EVI5: variants seen among roughly 807,000 people sequenced by gnomAD.
EVI5 encodes ecotropic viral integration site 5 protein homolog.
EVI5 carries 73 observed loss-of-function variants against 112.0 expected under a neutral mutation model. That is an observed-to-expected ratio of 0.65 (90% CI 0.54 to 0.79). The LOEUF is 0.79. Ranked by LOEUF, EVI5 falls within the 30% of genes least tolerant of loss-of-function variation. EVI5 has a pLI of 0.00. For synonymous variants in EVI5, 305 were observed against 319.9 expected, an observed-to-expected ratio of 0.95 and a Z score of 0.50; for missense variants, 900 against 968.8, an observed-to-expected ratio of 0.93 and a Z score of 0.94.
At chr1:92,602,042 T>A (rs933209628) in intron 18 of EVI5, among the ~76,000 whole-genome samples, 1 of 152,142 alleles carries the variant, frequency 6.6e-6, no homozygotes, top group African/African-American at 2.4e-5. Context: ...TATGTGCACT[T>A]TATGGGGACT....
chr1:92,662,883 G>C lies in EVI5; in HGVS notation c.1246-18C>G. On this transcript the variant is annotated intron_variant, in intron 12 of 19. Coordinates refer to ENST00000684568, the MANE Select transcript of EVI5 (RefSeq NM_001350197.2). ...ACTTGTCCCTTAGGACATAATTTTT[G>C]TGTGTGTAAAGCAATTTAGGATAGA... 7.9e-7 allele frequency: 1 copy of C among 1,264,876 alleles called. No homozygotes were observed. The highest frequency in any genetic ancestry group is 5.8e-5 in the East Asian group (1 of 17,286). 78.4% of individuals were successfully genotyped at this position (1,264,876 alleles called of 1,614,324 possible).
chr1:92,580,902 A>C (rs1486267675), intron 18 of EVI5: 1 of 152,220 alleles, frequency 6.6e-6, no homozygotes, highest in Non-Finnish European at 1.5e-5. Context: ...TTATTGAATT[A>C]ATGTTAAGTT....
At chr1:92,519,482 C>G (rs1274916751) in intron 19 of EVI5, among the ~76,000 whole-genome samples, 1 of 152,174 alleles carries the variant, frequency 6.6e-6, no homozygotes, top group Non-Finnish European at 1.5e-5. Context: ...AAAACCAAGG[C>G]AATCCTTTGG....
At chr1:92,586,827 C>A (rs974735982) in intron 18 of EVI5, among the ~76,000 whole-genome samples, 1 of 151,596 alleles carries the variant, frequency 6.6e-6, no homozygotes, top group African/African-American at 2.4e-5. Flanking sequence ...ATGTGCCATG[C>A]TGGTGTGCTG....
intron 19 of EVI5, among the ~76,000 whole-genome samples, chr1:92,533,183 A>G (rs980408873): frequency 2.6e-5 from 4 of 152,184 alleles, no homozygotes; most frequent in Admixed American, 2.6e-4. Context: ...ATAAACTAGA[A>G]AATCCAGAAT....
chr1:92,684,523 C>A (rs926641649), intron 9 of EVI5, among the ~76,000 whole-genome samples: 6 of 152,130 alleles, frequency 3.9e-5, no homozygotes, highest in African/African-American at 1.4e-4. Context: ...GCTAACATCA[C>A]AATGACGGGG....
intron 16 of EVI5, among the ~76,000 whole-genome samples, chr1:92,613,858 T>G (rs370319834): frequency 2.6e-4 from 39 of 152,166 alleles, no homozygotes; most frequent in African/African-American, 8.4e-4. Context: ...CCCAAAGTGT[T>G]GGGGATTATA....
chr1:92,607,469 T>C (rs988633047), intron 17 of EVI5, 112 bp downstream of exon 17: 5 of 744,984 alleles, frequency 6.7e-6, no homozygotes, highest in Non-Finnish European at 9.8e-6. Flanking sequence ...AAGTAGAAAA[T>C]AGGACGAGCT....
upstream of EVI5, among the ~76,000 whole-genome samples, chr1:92,787,504 G>A (rs945345942): frequency 2.0e-5 from 3 of 152,154 alleles, no homozygotes; most frequent in African/African-American, 4.8e-5. Flanking sequence ...GGCTGAGGCC[G>A]GCGGATCATT....
At position 92,636,205 on chromosome 1, in the gene EVI5, C is replaced by T; in HGVS notation, c.1524G>A (p.Glu508=). ...KEMQDKVLDI[E]KRNNSLPDEN... ...TGCATTTGTGTAGGTTTCTTACCTT[C>T]TCTATATCCAAGACTTTATCCTGCA... is the stretch of plus-strand genomic sequence containing the variant. Residue 508 remains glutamate (E), a synonymous_variant, in exon 14 of 20, where the codon GAG becomes GAA. Transcript: ENST00000684568. 6.2e-7 allele frequency: 1 copy of T among 1,611,776 alleles called. No homozygotes were observed. Among genetic ancestry groups the T allele is most frequent in the Non-Finnish European group, 8.5e-7 (1 of 1,178,900 alleles).
intron 19 of EVI5, among the ~76,000 whole-genome samples, chr1:92,561,552 T>A (rs937209243): frequency 1.0e-4 from 4 of 38,496 alleles, no homozygotes; most frequent in Non-Finnish European, 1.6e-4. Flanking sequence ...CTGATGAGAC[T>A]GACTATCTAT....
chr1:92,629,249 T>C (rs765997067), intron 14 of EVI5, among the ~76,000 whole-genome samples: 4 of 152,210 alleles, frequency 2.6e-5, no homozygotes, highest in Non-Finnish European at 5.9e-5. Flanking sequence ...TCTAGCAAAA[T>C]TATTCCATTA....
chr1:92,784,450 C>T (rs965778130), intron 1 of EVI5: 1 of 985,062 alleles, frequency 1.0e-6, no homozygotes, highest in Non-Finnish European at 1.2e-6. Flanking sequence ...CGAGTGCTCT[C>T]GCCCCTCAGG....
chr1:92,607,927 C>T (rs1037420943), intron 16 of EVI5, among the ~76,000 whole-genome samples, 200 bp from the exon 17 acceptor site: 13 of 151,748 alleles, frequency 8.6e-5, no homozygotes, highest in Non-Finnish European at 1.8e-4. Flanking sequence ...GGGCGGATCA[C>T]AAGGTCAGGA....
intron 6 of EVI5, among the ~76,000 whole-genome samples, chr1:92,695,735 A>T (rs1053000118): frequency 1.3e-5 from 2 of 152,204 alleles, no homozygotes; most frequent in Admixed American, 6.5e-5. Flanking sequence ...GGTGGATACA[A>T]GAGTGACTGA....
Position 92,695,471 on chromosome 1 carries a change from A to G in EVI5, c.766-18T>C. 6.5e-7 allele frequency: 1 copy of G among 1,540,962 alleles called. No individual in the cohort carries two copies. Among genetic ancestry groups the G allele is most frequent in the African/African-American group, 1.4e-5 (1 of 72,572 alleles). Reference sequence around the variant, plus strand: ...AGATGCTCCTAAAGAGAAGAAAATAATTAGTTATAACACAGTAAAACTGAG... The same window carrying G: ...AGATGCTCCTAAAGAGAAGAAAATAGTTAGTTATAACACAGTAAAACTGAG... On this transcript the variant is annotated intron_variant, in intron 6 of 19. Coordinates refer to ENST00000684568, the MANE Select transcript of EVI5 (RefSeq NM_001350197.2).
At chr1:92,789,310 GCTTCTT>G (rs138832439), upstream of EVI5, among the ~76,000 whole-genome samples, 6 of 151,290 alleles carry the variant, frequency 4.0e-5, no homozygotes, top group Non-Finnish European at 8.8e-5. Flanking sequence ...TCCTGCCTCA[GCTTCTT>G]CTTCTTTTTT....
intron 18 of EVI5, among the ~76,000 whole-genome samples, chr1:92,598,724 G>C (rs1648488051): frequency 6.6e-6 from 1 of 152,004 alleles, no homozygotes; most frequent in Non-Finnish European, 1.5e-5. Flanking sequence ...TAATTTTATA[G>C]CAAAAAACCC....
chr1:92,762,178 T>C (rs1681981149), intron 1 of EVI5, among the ~76,000 whole-genome samples: 2 of 152,236 alleles, frequency 1.3e-5, no homozygotes, highest in South Asian at 2.1e-4. Context: ...TAGATGTCTA[T>C]ATGGCATGTT....
Sources: gnomAD v4.1 joint callset for allele counts (sites outside exome capture counted in the v4.1 genomes callset) on GRCh38, gnomAD v4.1.1 for gene constraint, MANE v1.5 for transcripts, NCBI Gene and HGNC (gene_info 2026-07-23, HGNC 2026-07-21) for gene names.